The following RASA3 variants were observed in gnomAD, a reference collection of about 807,000 sequenced individuals.
RASA3 encodes the protein ras GTPase-activating protein 3.
RASA3 carries 73 observed loss-of-function variants against 110.0 expected under a neutral mutation model. That is an observed-to-expected ratio of 0.66 (90% CI 0.55 to 0.81). RASA3 has a LOEUF of 0.81. Among genes scored for constraint, RASA3 ranks in the 30% least tolerant of loss-of-function variants. The pLI, the probability that RASA3 is intolerant of heterozygous loss-of-function variation, is 0.00. For synonymous variants in RASA3, 500 were observed against 451.4 expected (o/e 1.11, Z -1.37); for missense variants, 976 against 1,113.2 (o/e 0.88, Z 1.75).
chr13:114,044,787 G>A (rs776947688), intron 3 of RASA3, among the ~76,000 whole-genome samples: 7 of 152,008 alleles, frequency 4.6e-5, no homozygotes, highest in Non-Finnish European at 7.4e-5. Context: ...CCTTCAGCTG[G>A]ACAGGAGGGT....
At chr13:114,047,899 C>T (rs941011903) in intron 3 of RASA3, among the ~76,000 whole-genome samples, 9 of 152,226 alleles carry the variant, frequency 5.9e-5, no homozygotes, top group African/African-American at 1.9e-4. Flanking sequence ...AGGAGTGTTC[C>T]GGGCTGTGGG....
intron 4 of RASA3, among the ~76,000 whole-genome samples, chr13:114,039,903 G>C (rs769723173): frequency 6.6e-6 from 1 of 152,178 alleles, no homozygotes; most frequent in Non-Finnish European, 1.5e-5. Flanking sequence ...GTGAGCCCCT[G>C]GCCACTTTCG....
chr13:114,116,581 A>G (rs72659578), intron 1 of RASA3, among the ~76,000 whole-genome samples: 55,051 of 140,884 alleles, frequency 0.39, 10,671 homozygotes, highest in Non-Finnish European at 0.46. Flanking sequence ...TGTAATGATA[A>G]AAGTTTTTAT....
chr13:114,092,877 T>C (rs2079903887), intron 1 of RASA3, among the ~76,000 whole-genome samples: 1 of 152,208 alleles, frequency 6.6e-6, no homozygotes, highest in African/African-American at 2.4e-5. Context: ...ACTATTGTTA[T>C]ATCACCTTGC....
At chr13:114,038,992 T>A (rs1161463206) in intron 4 of RASA3, among the ~76,000 whole-genome samples, 1 of 152,216 alleles carries the variant, frequency 6.6e-6, no homozygotes, top group Admixed American at 6.5e-5. Flanking sequence ...CAATTTACGA[T>A]GCGCCAGGTG....
chr13:114,005,867 G>A lies in RASA3; in HGVS notation c.1742+1666C>T, dbSNP rs1483395532. Among the ~76,000 whole-genome samples, 33 of 71,788 alleles carry A rather than the reference G, an allele frequency of 4.6e-4. 2 individuals carry two copies. The highest frequency in any genetic ancestry group is 6.7e-4 in the Non-Finnish European group (27 of 40,268). 47.1% of individuals were successfully genotyped at this position (71,788 alleles called of 152,430 possible). ...TACCCTTCTCCCCTCCTGCCCTGCC[G>A]GACACCACCTTACCCTTCTCCCCCC... On this transcript the variant is annotated intron_variant, in intron 18 of 23. Coordinates refer to ENST00000334062, the MANE Select transcript of RASA3 (RefSeq NM_007368.4).
At chr13:114,034,809 G>C (rs1263825461) in intron 4 of RASA3, among the ~76,000 whole-genome samples, 1 of 152,268 alleles carries the variant, frequency 6.6e-6, no homozygotes, top group Non-Finnish European at 1.5e-5. Flanking sequence ...ATCAAAATCA[G>C]TGGGATGAAG....
At chr13:114,045,268 C>T (rs1210154118) in intron 3 of RASA3, among the ~76,000 whole-genome samples, 3 of 152,200 alleles carry the variant, frequency 2.0e-5, no homozygotes, top group African/African-American at 7.2e-5. Context: ...TGAGTCACAC[C>T]GAAAAGTTTA....
chr13:114,095,374 C>T (rs1007023158), intron 1 of RASA3, among the ~76,000 whole-genome samples: 1 of 152,028 alleles, frequency 6.6e-6, no homozygotes, highest in Admixed American at 6.6e-5. Context: ...GAAAAAGAAA[C>T]CCCATACCCA....
At chr13:114,049,090 C>T (rs1392137481) in intron 3 of RASA3, among the ~76,000 whole-genome samples, 1 of 152,018 alleles carries the variant, frequency 6.6e-6, no homozygotes, top group Non-Finnish European at 1.5e-5. Context: ...CCTCTCACTC[C>T]TGGACCTGAA....
In RASA3 at chr13:114,011,633, G is replaced by A. The variant is rs2053639027; in HGVS notation, c.1513-385C>T. On this transcript the variant is annotated intron_variant, in intron 15 of 23. Transcript: ENST00000334062. The surrounding 1 kb of genome is among the most constrained non-coding windows in gnomAD (Gnocchi z 4.8). ...CAGGGTTTGAAGGTTCAACTCAGAA[G>A]TGCTGGGGGCCGGGCTTGGTGGCTC... is the stretch of plus-strand genomic sequence containing the variant. Among the ~76,000 whole-genome samples, 1 of 152,166 alleles carries A rather than the reference G, an allele frequency of 6.6e-6. No homozygotes were observed. The highest frequency in any genetic ancestry group is 2.4e-5 in the African/African-American group (1 of 41,438).
intron 22 of RASA3, among the ~76,000 whole-genome samples, chr13:113,989,864 T>C (rs2053067531): frequency 6.6e-6 from 1 of 152,182 alleles, no homozygotes; most frequent in South Asian, 2.1e-4. Context: ...AGATGGGAGA[T>C]GGTTGTGACT....
chr13:114,088,270 A>T (rs1281705881), intron 1 of RASA3, among the ~76,000 whole-genome samples: 1 of 152,228 alleles, frequency 6.6e-6, no homozygotes, highest in Admixed American at 6.5e-5. Context: ...AGACTTAAAA[A>T]ATTCTGCTGT....
chr13:114,034,072 T>C (rs2054233784), intron 4 of RASA3, among the ~76,000 whole-genome samples: 1 of 151,836 alleles, frequency 6.6e-6, no homozygotes, highest in African/African-American at 2.4e-5. Flanking sequence ...AGGAGTGCCC[T>C]GAACACCAGC....
chr13:114,023,545 T>C (rs1319567667), intron 8 of RASA3, among the ~76,000 whole-genome samples: 3 of 152,210 alleles, frequency 2.0e-5, no homozygotes, highest in Non-Finnish European at 4.4e-5. Flanking sequence ...ATCCAGCTTA[T>C]TTTCACTGGG....
chr13:114,132,394 G>A (rs2080534074), intron 1 of RASA3, 41 bp downstream of exon 1: 1 of 1,482,398 alleles, frequency 6.7e-7, no homozygotes. Flanking sequence ...GGACAGGGTC[G>A]GGCCGGGGGG....
At chr13:114,032,738 C>T (rs1419843070) in intron 4 of RASA3, among the ~76,000 whole-genome samples, 2 of 134,008 alleles carry the variant, frequency 1.5e-5, no homozygotes, top group African/African-American at 6.0e-5. Flanking sequence ...CACCACGTTC[C>T]ATGGCACCCC....
At chr13:114,020,865 C>T (rs932551193) in intron 9 of RASA3, among the ~76,000 whole-genome samples, 2 of 152,298 alleles carry the variant, frequency 1.3e-5, no homozygotes, top group East Asian at 1.9e-4. Flanking sequence ...AGACCCGGAG[C>T]GCAGCCGCGG....
chr13:114,067,358 C>T (rs974904596), intron 2 of RASA3, among the ~76,000 whole-genome samples: 4 of 152,232 alleles, frequency 2.6e-5, no homozygotes, highest in African/African-American at 9.6e-5. Context: ...AGCCTCCAGT[C>T]GTGTCAAGCA....
Sources: gnomAD v4.1 joint callset for allele counts (sites outside exome capture counted in the v4.1 genomes callset) on GRCh38, gnomAD v4.1.1 for gene constraint, Gnocchi (gnomAD v3.1) non-coding constraint, MANE v1.5 for transcripts, NCBI Gene and HGNC (gene_info 2026-07-23, HGNC 2026-07-21) for gene names.